Variants in ROBO1 observed in about 807,000 individuals in gnomAD.
ROBO1 encodes roundabout guidance receptor 1.
In ROBO1, 149 loss-of-function variants were observed where a neutral mutation model predicts 195.9. The ratio of observed to expected loss-of-function variants is 0.76; its 90% CI spans 0.67 to 0.87. ROBO1 has a LOEUF of 0.87. Among genes scored for constraint, ROBO1 ranks in the 40% least tolerant of loss-of-function variants. The pLI, the probability that ROBO1 is intolerant of heterozygous loss-of-function variation, is 0.00. For missense variants in ROBO1, 1,933 were observed against 2,068.3 expected, an observed-to-expected ratio of 0.93 and a Z score of 1.27; for synonymous variants, 816 against 733.2, an observed-to-expected ratio of 1.11 and a Z score of -1.82.
intron 2 of ROBO1, among the ~76,000 whole-genome samples, chr3:79,536,207 GAT>G (rs1941856429): frequency 6.6e-6 from 1 of 151,836 alleles, no homozygotes. Flanking sequence ...ATATATCCCA[GAT>G]ATCTTTCCAA....
chr3:79,018,486 A>C (rs1576574956), intron 3 of ROBO1: 1 of 1,613,758 alleles, frequency 6.2e-7, no homozygotes. Context: ...TCCTGTATAC[A>C]GTCTCATGCC....
At chr3:79,220,480 T>C (rs1215800739) in intron 2 of ROBO1, among the ~76,000 whole-genome samples, 1 of 152,082 alleles carries the variant, frequency 6.6e-6, no homozygotes, top group Non-Finnish European at 1.5e-5. Context: ...TTCCAATTCA[T>C]TGTGATACTC....
At chr3:78,599,203 T>G (rs1703023125) in intron 30 of ROBO1, among the ~76,000 whole-genome samples, 1 of 152,086 alleles carries the variant, frequency 6.6e-6, no homozygotes, top group Non-Finnish European at 1.5e-5. Flanking sequence ...TGTTGAGTTA[T>G]CTAATCCCCT....
chr3:79,438,807 C>A (rs1041104342), intron 2 of ROBO1, among the ~76,000 whole-genome samples: 1 of 151,784 alleles, frequency 6.6e-6, no homozygotes, highest in Admixed American at 6.6e-5. Context: ...TTTATTTTTT[C>A]TTTTCTTCCA....
intron 2 of ROBO1, among the ~76,000 whole-genome samples, chr3:79,218,657 G>A (rs2082091612): frequency 2.0e-5 from 3 of 151,886 alleles, no homozygotes. Flanking sequence ...ACAGTTGAAG[G>A]TTTTTCTAAA....
At chr3:79,726,024 A>C (rs544593051) in intron 1 of ROBO1, among the ~76,000 whole-genome samples, 1 of 152,200 alleles carries the variant, frequency 6.6e-6, no homozygotes, top group Non-Finnish European at 1.5e-5. Context: ...AGGAAGACTA[A>C]ATTCAAACAA....
At chr3:79,719,657 A>G (rs1702621152) in intron 1 of ROBO1, among the ~76,000 whole-genome samples, 1 of 152,208 alleles carries the variant, frequency 6.6e-6, no homozygotes, top group South Asian at 2.1e-4. Context: ...TCGCTTTCAT[A>G]TCATATTACA....
intron 22 of ROBO1, among the ~76,000 whole-genome samples, chr3:78,638,765 T>C (rs1009514888): frequency 1.3e-5 from 2 of 151,988 alleles, no homozygotes; most frequent in African/African-American, 4.8e-5. Flanking sequence ...TCTCAGCTAC[T>C]TGGGAGGCTG....
At chr3:79,225,922 G>A (rs373634500) in intron 2 of ROBO1, among the ~76,000 whole-genome samples, 10 of 152,158 alleles carry the variant, frequency 6.6e-5, no homozygotes, top group African/African-American at 2.2e-4. Context: ...TATTGAGGGA[G>A]AATTTCTCCC....
intron 1 of ROBO1, among the ~76,000 whole-genome samples, chr3:79,599,341 C>T (rs1944272354): frequency 6.6e-6 from 1 of 152,002 alleles, no homozygotes; most frequent in Non-Finnish European, 1.5e-5. Context: ...AATTGTATGA[C>T]TTCTGGATTA....
At chr3:79,166,615 G>T (rs868084143) in intron 2 of ROBO1, among the ~76,000 whole-genome samples, 1 of 148,824 alleles carries the variant, frequency 6.7e-6, no homozygotes, top group African/African-American at 2.5e-5. Flanking sequence ...GCACAGGCTG[G>T]AGTGCAGTGG....
chr3:79,523,053 C>T (rs1287328278), intron 2 of ROBO1, among the ~76,000 whole-genome samples: 1 of 151,994 alleles, frequency 6.6e-6, no homozygotes, highest in Admixed American at 6.6e-5. Context: ...TTATAATTAT[C>T]TAATAAACAA....
intron 3 of ROBO1, among the ~76,000 whole-genome samples, chr3:79,097,021 T>C (rs9851917): frequency 1 from 151,291 of 151,682 alleles, 75,453 homozygotes; most frequent in Non-Finnish European, 1. Flanking sequence ...GTTTTAAAAA[T>C]GAAGGTCAAT....
chr3:79,428,029 G>T (rs1302419024), intron 2 of ROBO1, among the ~76,000 whole-genome samples: 1 of 152,004 alleles, frequency 6.6e-6, no homozygotes, highest in Non-Finnish European at 1.5e-5. Context: ...GAAAATATTT[G>T]CAAACTACTC....
intron 4 of ROBO1, among the ~76,000 whole-genome samples, chr3:78,884,302 A>C (rs2036368554): frequency 6.6e-6 from 1 of 152,070 alleles, no homozygotes; most frequent in Non-Finnish European, 1.5e-5. Context: ...AAAAGCAAGA[A>C]AGCCAGTTAT....
At chr3:78,736,680 T>C (rs1358543999) in intron 5 of ROBO1, among the ~76,000 whole-genome samples, 1 of 152,190 alleles carries the variant, frequency 6.6e-6, no homozygotes, top group African/African-American at 2.4e-5. Flanking sequence ...TGAAATTATC[T>C]TTTTAATTGT....
intron 1 of ROBO1, among the ~76,000 whole-genome samples, chr3:79,596,349 G>A (rs1296540489): frequency 6.6e-6 from 1 of 151,940 alleles, no homozygotes; most frequent in Non-Finnish European, 1.5e-5. Flanking sequence ...AAAATAAAGG[G>A]GATTAAGTTG....
At chr3:79,729,406 T>A (rs1251095522) in intron 1 of ROBO1, among the ~76,000 whole-genome samples, 1 of 152,100 alleles carries the variant, frequency 6.6e-6, no homozygotes, top group Non-Finnish European at 1.5e-5. Context: ...TAATTAAAAT[T>A]TCCATATGAA....
At chr3:79,659,010 C>T (rs1326156707) in intron 1 of ROBO1, among the ~76,000 whole-genome samples, 3 of 152,020 alleles carry the variant, frequency 2.0e-5, no homozygotes, top group Non-Finnish European at 4.4e-5. Flanking sequence ...GCCAGGATTA[C>T]AGGTGTGAGC....
Sources: allele counts gnomAD v4.1 joint callset (sites outside exome capture counted in the v4.1 genomes callset), GRCh38; gene constraint gnomAD v4.1.1; transcripts MANE v1.5; gene names NCBI Gene and HGNC (gene_info 2026-07-23, HGNC 2026-07-21).